MEI4: variants seen among roughly 807,000 people sequenced by gnomAD.
MEI4 encodes meiotic double-stranded break formation protein 4, also known as meiosis-specific protein MEI4.
A neutral mutation model predicts 31.4 loss-of-function variants in MEI4; 27 were observed. That is an observed-to-expected ratio of 0.86 (90% CI 0.63 to 1.19). The LOEUF (loss-of-function observed/expected upper bound fraction) is 1.19, where lower values mean the gene tolerates loss of function less well. MEI4 is among the 50% of genes most tolerant of loss of function. The pLI is 0.00. For missense variants in MEI4, 329 were observed against 398.9 expected, an observed-to-expected ratio of 0.82 and a Z score of 1.49; for synonymous variants, 122 against 145.4, an observed-to-expected ratio of 0.84 and a Z score of 1.16.
At chr6:77,765,012 T>C (rs867631751) in intron 3 of MEI4, among the ~76,000 whole-genome samples, 25 of 152,162 alleles carry the variant, frequency 1.6e-4, no homozygotes, top group African/African-American at 6.0e-4. Flanking sequence ...ATAAGAATCT[T>C]AAATGAACAA....
intron 4 of MEI4, among the ~76,000 whole-genome samples, chr6:77,868,605 T>C (rs55884213): frequency 0.032 from 4,707 of 148,342 alleles, 255 homozygotes; most frequent in African/African-American, 0.11. Context: ...TCTCCCTTTT[T>C]CCAGATAACT....
At chr6:77,865,637 T>C (rs7761125) in intron 4 of MEI4, among the ~76,000 whole-genome samples, 2,886 of 152,224 alleles carry the variant, frequency 0.019, 64 homozygotes, top group East Asian at 0.088. Context: ...CACAGCTGAG[T>C]TCTACCAGAG....
At position 77,669,681 on chromosome 6, in the gene MEI4, G is replaced by A. The variant is rs762965084; in HGVS notation, c.-15+16589G>A. ...TTTATACACATCCTCCTAAATATAC[G>A]TGTCTGTATCGTAATAGCTAAACTT... On this transcript the variant is annotated intron_variant, in intron 1 of 4. Coordinates refer to ENST00000684080, the MANE Select transcript of MEI4 (RefSeq NM_001322247.2). 4.6e-5 allele frequency among the ~76,000 whole-genome samples: 7 copies of A among 152,248 alleles called. 1 individual carries two copies. The East Asian group carries it at 5.8e-4, about 13-fold the overall frequency.
chr6:77,661,323 C>G (rs1035205868), intron 1 of MEI4, among the ~76,000 whole-genome samples: 1 of 151,876 alleles, frequency 6.6e-6, no homozygotes, highest in Non-Finnish European at 1.5e-5. Context: ...AAGGCCGGTC[C>G]GTTATCAGAC....
rs9443436 is a variant in MEI4, at chr6:77,684,241, C to T, written c.-14-6417C>T. Among the ~76,000 whole-genome samples, 1,226 of 152,002 alleles carry T rather than the reference C, an allele frequency of 8.1e-3. 13 individuals are homozygous for T. Among genetic ancestry groups the T allele is most frequent in the African/African-American group, 0.027 (1,108 of 41,434 alleles). ...TGGCTATTGAATTTTAAAACTCTTA[C>T]GTTTTTTAAAAATTTTGTGGGTACA... On this transcript the variant is annotated intron_variant, in intron 1 of 4. Transcript: ENST00000684080.
At chr6:77,665,733 C>T (rs902139824) in intron 1 of MEI4, among the ~76,000 whole-genome samples, 1 of 152,000 alleles carries the variant, frequency 6.6e-6, no homozygotes, top group African/African-American at 2.4e-5. Flanking sequence ...TCCTTTGTCT[C>T]GCCCGGAAAA....
At chr6:77,829,794 A>G (rs1770034719) in intron 4 of MEI4, among the ~76,000 whole-genome samples, 1 of 152,180 alleles carries the variant, frequency 6.6e-6, no homozygotes, top group African/African-American at 2.4e-5. Flanking sequence ...ATAGGTAGAA[A>G]TGTCTTGGTA....
At chr6:77,864,671 A>G (rs1050664932) in intron 4 of MEI4, among the ~76,000 whole-genome samples, 8 of 152,170 alleles carry the variant, frequency 5.3e-5, no homozygotes, top group Non-Finnish European at 7.3e-5. Context: ...AGACAGATCA[A>G]TGAGACAGAA....
intron 4 of MEI4, among the ~76,000 whole-genome samples, chr6:77,883,745 A>ATATATATATCT (rs55947073): frequency 2.4e-5 from 2 of 82,302 alleles, no homozygotes; most frequent in Non-Finnish European, 4.8e-5. Flanking sequence ...TATATATATA[A>ATATATATATCT]CTTTGTCTTT....
chr6:77,782,852 G>T (rs889056123), intron 3 of MEI4, among the ~76,000 whole-genome samples: 2 of 152,158 alleles, frequency 1.3e-5, no homozygotes, highest in Admixed American at 6.6e-5. Context: ...TTCAATCAAA[G>T]TCCTATCAAC....
At chr6:77,907,810 G>A (rs1341464585) in intron 4 of MEI4, among the ~76,000 whole-genome samples, 1 of 152,090 alleles carries the variant, frequency 6.6e-6, no homozygotes, top group African/African-American at 2.4e-5. Flanking sequence ...TCCAGCACCT[G>A]TTGTTTCCTA....
At chr6:77,661,838 A>T (rs2446250) in intron 1 of MEI4, among the ~76,000 whole-genome samples, 2 of 151,870 alleles carry the variant, frequency 1.3e-5, no homozygotes, top group Admixed American at 6.6e-5. Context: ...GGGAGTGACC[A>T]AAGTGAAGGA....
At chr6:77,771,587 C>A (rs1768320574) in intron 3 of MEI4, among the ~76,000 whole-genome samples, 1 of 152,110 alleles carries the variant, frequency 6.6e-6, no homozygotes, top group Non-Finnish European at 1.5e-5. Flanking sequence ...TACATATACA[C>A]TGTGGAATAC....
chr6:77,914,138 G>T (rs940069697), intron 4 of MEI4, among the ~76,000 whole-genome samples: 2 of 150,402 alleles, frequency 1.3e-5, no homozygotes, highest in African/African-American at 4.9e-5. Context: ...TCTATTAAGG[G>T]TGAATTTGGT....
In MEI4 at chr6:77,926,402, T is replaced by A. The variant is rs1226929836; in HGVS notation, c.*3056T>A. The A allele has an allele frequency of 6.6e-6, 1 of 151,918 alleles. No homozygotes were observed. The highest frequency in any genetic ancestry group is 1.5e-5 in the Non-Finnish European group (1 of 67,926). 9.4% of individuals were successfully genotyped at this position (151,918 alleles called of 1,614,324 possible). A position where few individuals can be genotyped will look rare whatever the true frequency, so the allele number is the denominator to read the frequency against. Reference sequence around the variant, plus strand: ...ATGTCCTAAAAGGTACAGAGCTCCCTCCAGAGGTGTTTAGGTAGACTGTGA... The same window carrying A: ...ATGTCCTAAAAGGTACAGAGCTCCCACCAGAGGTGTTTAGGTAGACTGTGA... On this transcript the variant is annotated 3_prime_UTR_variant, in exon 5 of 5. Transcript: ENST00000684080.
At chr6:77,904,336 A>G (rs1360666966) in intron 4 of MEI4, among the ~76,000 whole-genome samples, 1 of 152,010 alleles carries the variant, frequency 6.6e-6, no homozygotes, top group East Asian at 1.9e-4. Flanking sequence ...AGGTTCAGGG[A>G]GTACATGTGC....
intron 2 of MEI4, among the ~76,000 whole-genome samples, chr6:77,735,719 A>G (rs911199753): frequency 1.3e-5 from 2 of 151,928 alleles, no homozygotes; most frequent in Non-Finnish European, 2.9e-5. Flanking sequence ...TCTGATTTTT[A>G]GAGTTTTCAG....
At chr6:77,733,742 T>C (rs776049248) in intron 2 of MEI4, among the ~76,000 whole-genome samples, 7 of 152,164 alleles carry the variant, frequency 4.6e-5, no homozygotes, top group Non-Finnish European at 8.8e-5. Flanking sequence ...CTGGATCTTT[T>C]CTGCTTTCTC....
At chr6:77,745,233 T>G (rs962892124) in intron 2 of MEI4, among the ~76,000 whole-genome samples, 9 of 152,100 alleles carry the variant, frequency 5.9e-5, no homozygotes, top group African/African-American at 1.4e-4. Flanking sequence ...CCATCTCACG[T>G]GCAGAGACAC....
Sources: allele counts gnomAD v4.1 joint callset (sites outside exome capture counted in the v4.1 genomes callset), GRCh38; gene constraint gnomAD v4.1.1; transcripts MANE v1.5; gene names NCBI Gene and HGNC (gene_info 2026-07-23, HGNC 2026-07-21).